Variants in CMSS1 observed in about 807,000 individuals in gnomAD.
CMSS1 encodes protein CMSS1.
CMSS1 carries 33 observed loss-of-function variants against 43.5 expected under a neutral mutation model. That is an observed-to-expected ratio of 0.76 (90% CI 0.57 to 1.01). CMSS1 has a LOEUF of 1.01. CMSS1 is among the 50% of genes least tolerant of loss of function. CMSS1 has a pLI of 0.00. For missense variants in CMSS1, 313 were observed against 326.4 expected (o/e 0.96, Z 0.32); for synonymous variants, 115 against 117.2 (o/e 0.98, Z 0.12).
intron 1 of CMSS1, among the ~76,000 whole-genome samples, chr3:100,048,799 A>G (rs766466322): frequency 3.9e-5 from 6 of 152,076 alleles, no homozygotes; most frequent in African/African-American, 9.7e-5. Context: ...CTCCTAGGAC[A>G]TTTTCTTTCT....
chr3:100,004,381 T>G (rs1709929267), intron 1 of CMSS1, among the ~76,000 whole-genome samples: 1 of 152,180 alleles, frequency 6.6e-6, no homozygotes, highest in Non-Finnish European at 1.5e-5. Context: ...GGATTAATAC[T>G]GAGAAGATCA....
intron 1 of CMSS1, among the ~76,000 whole-genome samples, chr3:99,938,960 A>T (rs2107673956): frequency 6.6e-6 from 1 of 152,348 alleles, no homozygotes; most frequent in Non-Finnish European, 1.5e-5. Context: ...TAATTTAGTA[A>T]TTGGCCTCCG....
chr3:100,090,503 G>A (rs1213199335), intron 1 of CMSS1, among the ~76,000 whole-genome samples: 3 of 152,240 alleles, frequency 2.0e-5, no homozygotes, highest in South Asian at 2.1e-4. Context: ...AAAACCAGGC[G>A]ACAGAGATGC....
chr3:99,850,732 T>C lies in CMSS1; in HGVS notation c.64+32689T>C, dbSNP rs748276317. 11 of 1,614,116 alleles carry C rather than the reference T, an allele frequency of 6.8e-6. No homozygotes were observed. In the Admixed American group the frequency reaches 1.8e-4, roughly 27 times the overall value. ...AAGCTGGCGATTTTGACTGTCCTCATTGGTGAGCTTCGCCATAATTGTGTC... is the reference window on the plus strand; with the variant it reads ...AAGCTGGCGATTTTGACTGTCCTCACTGGTGAGCTTCGCCATAATTGTGTC... On this transcript the variant is annotated intron_variant, in intron 1 of 9. Coordinates refer to ENST00000421999, the MANE Select transcript of CMSS1 (RefSeq NM_032359.4).
intron 1 of CMSS1, among the ~76,000 whole-genome samples, chr3:100,024,584 T>A (rs2064884184): frequency 6.6e-6 from 1 of 152,176 alleles, no homozygotes; most frequent in Non-Finnish European, 1.5e-5. Flanking sequence ...TATTAAATTA[T>A]GTAATTATAG....
At chr3:100,141,742 T>C (rs1277001776) in intron 1 of CMSS1, 2 of 350,556 alleles carry the variant, frequency 5.7e-6, no homozygotes, top group Non-Finnish European at 5.6e-6. Flanking sequence ...TTGGAATAAC[T>C]TAACCAATCC....
chr3:99,833,095 A>T (rs527916055), intron 1 of CMSS1: 3 of 720,710 alleles, frequency 4.2e-6, no homozygotes, highest in Non-Finnish European at 7.2e-6. Flanking sequence ...GGGTTTCATC[A>T]AAGAGCAGAT....
intron 1 of CMSS1, among the ~76,000 whole-genome samples, chr3:100,137,584 A>G (rs965589126): frequency 6.7e-6 from 1 of 149,466 alleles, no homozygotes; most frequent in Admixed American, 6.6e-5. Context: ...TTTTTTTGAG[A>G]CAGAGTCTCG....
At chr3:100,021,622 T>C (rs570442157) in intron 1 of CMSS1, among the ~76,000 whole-genome samples, 1 of 152,292 alleles carries the variant, frequency 6.6e-6, no homozygotes, top group South Asian at 2.1e-4. Context: ...TGGCCCTCCA[T>C]AGAGCACTAC....
At chr3:100,021,954 TGTGTGTGAGAGAGAGAGAGAGA>T (rs2064829864) in intron 1 of CMSS1, among the ~76,000 whole-genome samples, 1 of 114,346 alleles carries the variant, frequency 8.7e-6, no homozygotes, top group Admixed American at 9.1e-5. Flanking sequence ...TGTGTGTGTG[TGTGTGTGAGAGAGAGAGAGAGA>T]GAGAGAGAGA....
chr3:99,894,761 G>A (rs1254819654), intron 1 of CMSS1, among the ~76,000 whole-genome samples: 1 of 152,126 alleles, frequency 6.6e-6, no homozygotes, highest in Non-Finnish European at 1.5e-5. Context: ...CTCCATTTAG[G>A]TAACTGTGAT....
intron 1 of CMSS1, among the ~76,000 whole-genome samples, chr3:99,983,494 A>ATATATATATATATATG (rs1709230433): frequency 8.4e-6 from 1 of 119,012 alleles, no homozygotes; most frequent in South Asian, 2.7e-4. Context: ...ATATATATAT[A>ATATATATATATATATG]TATATATATA....
intron 1 of CMSS1, among the ~76,000 whole-genome samples, chr3:100,138,858 A>G (rs2066778118): frequency 6.6e-6 from 1 of 152,210 alleles, no homozygotes; most frequent in South Asian, 2.1e-4. Flanking sequence ...ACCCAAAGGA[A>G]TATAAATCAT....
At chr3:99,850,046 T>C in intron 1 of CMSS1, 1 of 1,611,320 alleles carries the variant, frequency 6.2e-7, no homozygotes, top group Non-Finnish European at 8.5e-7. Flanking sequence ...AGCGCCCTTT[T>C]AGTTTCCTCA....
At chr3:99,930,618 GA>G (rs1020521760) in intron 1 of CMSS1, 5 of 773,840 alleles carry the variant, frequency 6.5e-6, no homozygotes, top group African/African-American at 5.2e-5. Context: ...TGAGTTGGCA[GA>G]GGAGAATTCT....
intron 1 of CMSS1, among the ~76,000 whole-genome samples, chr3:100,101,623 TG>T (rs2066306771): frequency 6.6e-6 from 1 of 152,170 alleles, no homozygotes; most frequent in South Asian, 2.1e-4. Flanking sequence ...TGTTTGTTTT[TG>T]TTTTTTTAAT....
At chr3:99,830,657 A>G (rs1306341829) in intron 1 of CMSS1, 1 of 450,832 alleles carries the variant, frequency 2.2e-6, no homozygotes, top group Non-Finnish European at 4.5e-6. Flanking sequence ...TTGGTGGAGA[A>G]GTAGAAATTG....
At chr3:100,145,936 T>G (rs1461587446) in intron 1 of CMSS1, among the ~76,000 whole-genome samples, 1 of 152,248 alleles carries the variant, frequency 6.6e-6, no homozygotes, top group African/African-American at 2.4e-5. Context: ...CCCAGTCAAG[T>G]TGACACATAA....
intron 1 of CMSS1, chr3:99,898,077 G>C (rs1203071492): frequency 6.6e-6 from 1 of 151,856 alleles, no homozygotes; most frequent in Non-Finnish European, 1.5e-5. Flanking sequence ...TTTTAAATAG[G>C]CTTATCTAAG....
Sources: gnomAD v4.1 joint callset for allele counts (sites outside exome capture counted in the v4.1 genomes callset) on GRCh38, gnomAD v4.1.1 for gene constraint, MANE v1.5 for transcripts, NCBI Gene and HGNC (gene_info 2026-07-23, HGNC 2026-07-21) for gene names.